The following POMT1 variants were observed in gnomAD, a reference collection of about 807,000 sequenced individuals.
POMT1 encodes the protein protein O-mannosyl-transferase 1.
A neutral mutation model predicts 101.6 loss-of-function variants in POMT1; 85 were observed. The ratio of observed to expected loss-of-function variants is 0.84; its 90% CI spans 0.70 to 1.00. POMT1 has a LOEUF of 1.00. POMT1 is among the 50% of genes least tolerant of loss of function. The pLI, the probability that POMT1 is intolerant of heterozygous loss-of-function variation, is 0.00. For synonymous variants in POMT1, 371 were observed against 383.0 expected (o/e 0.97, Z 0.37); for missense variants, 857 against 930.4 (o/e 0.92, Z 1.03).
rs1312723020 is a variant in POMT1 at position 131,511,102 on chromosome 9, C to T, written c.856-235C>T. 5 of 502,782 alleles carry T rather than the reference C, an allele frequency of 9.9e-6. No homozygotes were observed. In the East Asian group the frequency reaches 1.4e-4, roughly 14 times the overall value. The allele number at this position is 502,782 out of a possible 1,614,324, so 31.1% of individuals were successfully genotyped here. On this transcript the variant is annotated intron_variant, in intron 9 of 19. Transcript: ENST00000402686. ...ATGCTTGTAAGGACTGAATAGGGTGCGCGTGGAAGGCTGAACTGAGTGCCT... is the reference window on the plus strand; with the variant it reads ...ATGCTTGTAAGGACTGAATAGGGTGTGCGTGGAAGGCTGAACTGAGTGCCT...
rs1469534474 is a variant in POMT1, at chr9:131,522,966, G to A, written c.2038G>A (p.Val680Met). The change falls in exon 20 of 20, where the codon GTG (valine) becomes ATG (methionine). Residue 680 changes from valine (V) to methionine (M), a missense_variant. Coordinates refer to ENST00000402686, the MANE Select transcript of POMT1 (RefSeq NM_001077365.2). This position sits in a 1 kb window ranked among gnomAD's most constrained non-coding sequence, Gnocchi z 5.5. ...QLQRSIFSAL[V>M]VAWYSSACHV... ...CCAGAGGAGCATCTTCAGCGCCCTG[G>A]TGGTGGCCTGGTACTCCTCCGCGTG... 3 of 1,601,524 alleles carry A rather than the reference G, an allele frequency of 1.9e-6. No homozygotes were observed. Among genetic ancestry groups the A allele is most frequent in the Non-Finnish European group, 2.6e-6 (3 of 1,175,824 alleles).
chr9:131,517,819 G>T (rs538098033), intron 13 of POMT1, among the ~76,000 whole-genome samples: 2 of 152,362 alleles, frequency 1.3e-5, no homozygotes, highest in African/African-American at 2.4e-5. Flanking sequence ...GCATGCGTGA[G>T]GTGTGCGCGC....
At chr9:131,518,384 AT>A (rs760687556) in intron 13 of POMT1, 60 bp from the exon 14 acceptor site, 8 of 1,408,956 alleles carry the variant, frequency 5.7e-6, no homozygotes. Flanking sequence ...ACAGGTCTTT[AT>A]TTTTACATTG....
chr9:131,522,431 A>AC lies in POMT1; in HGVS notation c.2003+207_2003+208insC, dbSNP rs1950136839. The AC allele has an allele frequency of 1.9e-6, 2 of 1,054,922 alleles. No individual in the cohort carries two copies. Among genetic ancestry groups the AC allele is most frequent in the Admixed American group, 2.6e-5 (1 of 38,420 alleles). The allele number at this position is 1,054,922 out of a possible 1,614,324, so 65.3% of individuals were successfully genotyped here. Reference sequence around the variant, plus strand: ...CCCAGAGGGAGAAGTCGCGGCTGACAGAGATGAAAGCGGAGTGGGTGGGGA... The same window carrying AC: ...CCCAGAGGGAGAAGTCGCGGCTGACACGAGATGAAAGCGGAGTGGGTGGGGA... On this transcript the variant is annotated intron_variant, in intron 19 of 19. Transcript: ENST00000402686. The surrounding 1 kb of genome is among the most constrained non-coding windows in gnomAD (Gnocchi z 5.5).
rs1945238286 is a variant in POMT1 at position 131,504,298 on chromosome 9, T to G, written c.80T>G (p.Leu27Ter). 1 of 1,614,090 alleles carries G rather than the reference T, an allele frequency of 6.2e-7. No individual in the cohort carries two copies. Among genetic ancestry groups the G allele is most frequent in the African/African-American group, 1.3e-5 (1 of 74,930 alleles). ...CTTGTGGCCCTGACTGGGATGGGGTTACTGAGCCGGCTGTGGCGACTCACC... is the reference window on the plus strand; with the variant it reads ...CTTGTGGCCCTGACTGGGATGGGGTGACTGAGCCGGCTGTGGCGACTCACC... Reference protein sequence around the residue: ...LSLVALTGMGLLSRLWRLTYP... With the variant: ...LSLVALTGMG Residue 27 changes from leucine to a stop codon, truncating the protein, a stop_gained, in exon 2 of 20, where the codon TTA (leucine) becomes TGA (stop). Transcript: ENST00000402686. LOFTEE classifies it high-confidence loss of function.
At chr9:131,514,163 T>A (rs1947762222) in intron 12 of POMT1, among the ~76,000 whole-genome samples, 1 of 152,138 alleles carries the variant, frequency 6.6e-6, no homozygotes, top group South Asian at 2.1e-4. Flanking sequence ...TCCTTCTCCC[T>A]CTACTCCCAC....
At position 131,512,102 on chromosome 9, in the gene POMT1, G is replaced by A. The variant is rs1373386083; in HGVS notation, c.1048G>A (p.Val350Ile). Residue 350 changes from valine (V) to isoleucine (I), a missense_variant, in exon 11 of 20, where the codon GTC (valine) becomes ATC (isoleucine). By Grantham distance (29) the Val-to-Ile change is conservative. Transcript: ENST00000402686. ...GGTGACCTGTTACCCCTTCAAAGAT[G>A]TCAATAACTGGTGGATTGTAAAGGA... ...QQVTCYPFKD[V>I]NNWWIVKDPR... 2.5e-6 allele frequency: 4 copies of A among 1,614,014 alleles called. No individual in the cohort carries two copies. Among genetic ancestry groups the A allele is most frequent in the Non-Finnish European group, 2.5e-6 (3 of 1,180,026 alleles).
intron 17 of POMT1, 127 bp downstream of exon 17, chr9:131,520,320 C>G: frequency 1.2e-6 from 1 of 854,668 alleles, no homozygotes; most frequent in Non-Finnish European, 1.9e-6. Flanking sequence ...CTGACAAAGG[C>G]CTGTGACTTG....
At chr9:131,521,504 T>C (rs1564388983) in intron 18 of POMT1, 32 bp downstream of exon 18, 2 of 1,608,404 alleles carry the variant, frequency 1.2e-6, no homozygotes, top group Non-Finnish European at 1.7e-6. Context: ...CTTTCTTTCT[T>C]TTTAATATAG....
At position 131,509,726 on chromosome 9, in the gene POMT1, C is replaced by T; in HGVS notation, c.540-17C>T. ...TCTGAACTATTTCTGTCTCCATCTG[C>T]TTTGTTTTTATTCCAGCCCTTTTTC... On this transcript the variant is annotated splice_polypyrimidine_tract_variant and intron_variant, in intron 6 of 19. Transcript: ENST00000402686. 6.2e-7 allele frequency: 1 copy of T among 1,614,204 alleles called. No individual in the cohort carries two copies. The highest frequency in any genetic ancestry group is 8.5e-7 in the Non-Finnish European group (1 of 1,180,054).
rs1372259060 is a variant in POMT1 at position 131,519,637 on chromosome 9, G to A, written c.1584+151G>A. 7.4e-6 allele frequency: 6 copies of A among 808,210 alleles called. No individual in the cohort carries two copies. In the African/African-American group the frequency reaches 1.0e-4, roughly 14 times the overall value. 50.1% of individuals were successfully genotyped at this position (808,210 alleles called of 1,614,324 possible). A position where few individuals can be genotyped will look rare whatever the true frequency, so the allele number is the denominator to read the frequency against. ...AGAATGAGTGTCTCCTCTCTCCAGT[G>A]TAAGGGACTGTGTGTGACACCCCTG... On this transcript the variant is annotated intron_variant, in intron 16 of 19. Transcript: ENST00000402686. This position sits in a 1 kb window ranked among gnomAD's most constrained non-coding sequence, Gnocchi z 4.3.
chr9:131,518,312 G>T (rs779673969), intron 13 of POMT1, 133 bp from the exon 14 acceptor site: 5 of 857,620 alleles, frequency 5.8e-6, no homozygotes, highest in Non-Finnish European at 1.0e-5. Context: ...GCCCCTTATA[G>T]CTTCCCTCAC....
chr9:131,520,220 A>C (rs199653099), intron 17 of POMT1, 27 bp downstream of exon 17: 2 of 1,553,572 alleles, frequency 1.3e-6, no homozygotes, highest in South Asian at 2.2e-5. Context: ...GACAGCTGAC[A>C]GTCATAGATT....
chr9:131,514,750 G>A (rs1947915204), intron 12 of POMT1, among the ~76,000 whole-genome samples: 1 of 152,350 alleles, frequency 6.6e-6, no homozygotes, highest in East Asian at 1.9e-4. Flanking sequence ...GAGGTCAGGA[G>A]TTGGAGACAA....
At chr9:131,518,395 G>A (rs776836968) in intron 13 of POMT1, 50 bp from the exon 14 acceptor site, 1 of 1,485,020 alleles carries the variant, frequency 6.7e-7, no homozygotes, top group South Asian at 1.1e-5. Flanking sequence ...TTTTTACATT[G>A]AAGGAAATTT....
At chr9:131,510,615 T>G in intron 9 of POMT1, 200 bp downstream of exon 9, 1 of 695,032 alleles carries the variant, frequency 1.4e-6, no homozygotes, top group Non-Finnish European at 2.4e-6. Context: ...GCGATTCTCC[T>G]ACCTCAGCCT....
chr9:131,515,913 T>C (rs1278108732), intron 13 of POMT1, among the ~76,000 whole-genome samples: 27 of 30,242 alleles, frequency 8.9e-4, no homozygotes, highest in East Asian at 1.8e-3. Flanking sequence ...CTTCCTCACA[T>C]GGAGCACTTC....
At chr9:131,507,242 C>T in intron 4 of POMT1, 126 bp from the exon 5 acceptor site, 1 of 1,459,576 alleles carries the variant, frequency 6.9e-7, no homozygotes. Flanking sequence ...TGATGGGGTC[C>T]CCAGTTTTGT....
chr9:131,516,215 T>G (rs901399800), intron 13 of POMT1, among the ~76,000 whole-genome samples: 2 of 144,970 alleles, frequency 1.4e-5, no homozygotes, highest in Non-Finnish European at 3.0e-5. Context: ...CACAGAGCAC[T>G]TCCTCACACG....
Sources: gnomAD v4.1 joint callset for allele counts (sites outside exome capture counted in the v4.1 genomes callset) on GRCh38, gnomAD v4.1.1 for gene constraint, Gnocchi (gnomAD v3.1) non-coding constraint, MANE v1.5 for transcripts, NCBI Gene and HGNC (gene_info 2026-07-23, HGNC 2026-07-21) for gene names.